Variants in PCDH15 observed in about 807,000 individuals in gnomAD.
PCDH15 encodes protocadherin-15.
In PCDH15, 129 loss-of-function variants were observed where a neutral mutation model predicts 178.5. The observed-to-expected ratio is 0.72, with a 90% CI of 0.63 to 0.84. The LOEUF (loss-of-function observed/expected upper bound fraction) is 0.84, where lower values mean the gene tolerates loss of function less well. PCDH15 is among the 40% of genes least tolerant of loss of function. The probability of loss-of-function intolerance (pLI) is 0.00; values close to 1 mark genes in which losing one functional copy is unlikely to be tolerated. For synonymous variants in PCDH15, 800 were observed against 732.0 expected (o/e 1.09, Z -1.50); for missense variants, 2,230 against 2,099.9 (o/e 1.06, Z -1.21).
rs187001833 is a variant in PCDH15, at chr10:55,168,119, C to T, written c.-155-1468G>A. Among the ~76,000 whole-genome samples the T allele has an allele frequency of 6.2e-4, 95 of 152,074 alleles. 1 individual carries two copies. Among genetic ancestry groups the T allele is most frequent in the Non-Finnish European group, 1.2e-3 (80 of 67,992 alleles). On this transcript the variant is annotated intron_variant, in intron 1 of 5. Coordinates refer to the PCDH15 transcript ENST00000458638. ...ATAAGCAGTGTATTCAGCACTTTTT[C>T]ACAATAAAATTTAAGCTTAATAGCA... is the stretch of plus-strand genomic sequence containing the variant.
intron 13 of PCDH15, among the ~76,000 whole-genome samples, chr10:54,183,205 A>C (rs10082374): frequency 2.0e-4 from 31 of 152,036 alleles, no homozygotes; most frequent in Admixed American, 1.1e-3. Flanking sequence ...TCCCGACCTC[A>C]GGTGATCCAC....
intron 2 of PCDH15, among the ~76,000 whole-genome samples, chr10:54,575,850 A>T (rs1240409989): frequency 6.6e-6 from 1 of 152,210 alleles, no homozygotes; most frequent in Admixed American, 6.5e-5. Flanking sequence ...GCCCTGAAGC[A>T]GTGACACATG....
intron 6 of PCDH15, among the ~76,000 whole-genome samples, chr10:54,336,895 A>G (rs1185804155): frequency 6.6e-6 from 1 of 152,156 alleles, no homozygotes; most frequent in Admixed American, 6.5e-5. Flanking sequence ...CAAACTGTGA[A>G]AGCAGCCAGG....
At chr10:54,947,960 T>C (rs1381417082) in intron 2 of PCDH15, among the ~76,000 whole-genome samples, 3 of 151,974 alleles carry the variant, frequency 2.0e-5, no homozygotes, top group African/African-American at 7.2e-5. Flanking sequence ...TCTTCTTTCC[T>C]AGGAATTCTT....
intron 1 of PCDH15, among the ~76,000 whole-genome samples, chr10:54,668,999 G>A (rs1447427701): frequency 1.3e-5 from 2 of 152,114 alleles, no homozygotes; most frequent in African/African-American, 2.4e-5. Context: ...TGTGAGAAAC[G>A]TATGCTATCT....
At chr10:55,250,994 T>TA (rs1189515344) in intron 1 of PCDH15, among the ~76,000 whole-genome samples, 2 of 152,138 alleles carry the variant, frequency 1.3e-5, no homozygotes, top group Non-Finnish European at 2.9e-5. Context: ...TGCACTATTA[T>TA]GGAGACAACT....
intron 2 of PCDH15, among the ~76,000 whole-genome samples, chr10:54,646,031 C>T (rs2094122829): frequency 6.6e-6 from 1 of 152,102 alleles, no homozygotes; most frequent in Non-Finnish European, 1.5e-5. Context: ...CTCTTAACTA[C>T]TATGCCTTAA....
intron 2 of PCDH15, among the ~76,000 whole-genome samples, chr10:55,104,243 T>A (rs1389744076): frequency 6.6e-6 from 1 of 152,120 alleles, no homozygotes; most frequent in East Asian, 1.9e-4. Context: ...AAAAACCCAT[T>A]CATACAAATA....
chr10:53,947,974 T>C (rs966441293), intron 23 of PCDH15, among the ~76,000 whole-genome samples: 4 of 152,220 alleles, frequency 2.6e-5, no homozygotes, highest in Admixed American at 2.0e-4. Context: ...TCTCTCATAG[T>C]CATTGGCTCT....
chr10:55,402,346 A>T (rs1362895770), intron 2 of PCDH15, among the ~76,000 whole-genome samples: 1 of 152,020 alleles, frequency 6.6e-6, no homozygotes, highest in Non-Finnish European at 1.5e-5. Flanking sequence ...CACTTCAAAC[A>T]TTTATCATTT....
At chr10:55,222,278 C>A (rs1432465843) in intron 1 of PCDH15, among the ~76,000 whole-genome samples, 1 of 151,938 alleles carries the variant, frequency 6.6e-6, no homozygotes, top group Non-Finnish European at 1.5e-5. Context: ...CTAATGTCAA[C>A]CTCTCTGCAG....
intron 2 of PCDH15, among the ~76,000 whole-genome samples, chr10:54,923,747 T>C (rs1364040536): frequency 7.2e-6 from 1 of 138,120 alleles, no homozygotes; most frequent in African/African-American, 2.5e-5. Context: ...AAGTTTATCA[T>C]CTGAGGCCTC....
At chr10:55,258,110 A>C (rs1486538190) in intron 1 of PCDH15, among the ~76,000 whole-genome samples, 3 of 152,192 alleles carry the variant, frequency 2.0e-5, no homozygotes, top group Non-Finnish European at 4.4e-5. Flanking sequence ...TGGACAGGTA[A>C]AATATGCCTA....
At chr10:54,261,248 T>A (rs1317210495) in intron 8 of PCDH15, among the ~76,000 whole-genome samples, 1 of 152,042 alleles carries the variant, frequency 6.6e-6, no homozygotes, top group Non-Finnish European at 1.5e-5. Context: ...AATATACAGA[T>A]TTAACACTAC....
intron 2 of PCDH15, among the ~76,000 whole-genome samples, chr10:55,116,352 T>G (rs1327567836): frequency 6.6e-6 from 1 of 152,192 alleles, no homozygotes; most frequent in East Asian, 1.9e-4. Context: ...TATACATAAA[T>G]GTCATTTTGA....
chr10:54,278,230 G>T (rs1222544429), intron 8 of PCDH15, among the ~76,000 whole-genome samples: 2 of 151,476 alleles, frequency 1.3e-5, no homozygotes, highest in African/African-American at 4.8e-5. Context: ...TTTAAAAATG[G>T]ATATTTTAGT....
intron 2 of PCDH15, among the ~76,000 whole-genome samples, chr10:54,563,502 A>T (rs1199523369): frequency 2.6e-5 from 4 of 152,182 alleles, no homozygotes; most frequent in Non-Finnish European, 5.9e-5. Flanking sequence ...ACCATAAGAT[A>T]TTAGGCTTTC....
chr10:55,150,104 GAGAGGAGAGAAGAGA>G (rs1255072024), intron 2 of PCDH15, among the ~76,000 whole-genome samples: 24 of 151,550 alleles, frequency 1.6e-4, no homozygotes, highest in African/African-American at 2.9e-4. Context: ...GATAGAAGAC[GAGAGGAGAGAAGAGA>G]AGAGGAGAGA....
At chr10:54,628,895 G>A (rs1045571909) in intron 2 of PCDH15, among the ~76,000 whole-genome samples, 1 of 151,844 alleles carries the variant, frequency 6.6e-6, no homozygotes, top group Non-Finnish European at 1.5e-5. Flanking sequence ...GTTAGGAATG[G>A]CCTATATTTG....
Sources: allele counts gnomAD v4.1 joint callset (sites outside exome capture counted in the v4.1 genomes callset), GRCh38; gene constraint gnomAD v4.1.1; transcripts MANE v1.5; gene names NCBI Gene and HGNC (gene_info 2026-07-23, HGNC 2026-07-21).